The following BCL7A variants were observed in gnomAD, a reference collection of about 807,000 sequenced individuals.
The protein encoded by BCL7A is B-cell CLL/lymphoma 7 protein family member A.
BCL7A carries 11 observed loss-of-function variants against 28.4 expected under a neutral mutation model. The observed-to-expected ratio is 0.39, with a 90% CI of 0.24 to 0.64. The LOEUF is 0.64. BCL7A is among the 30% of genes least tolerant of loss of function. The pLI is 0.50. For synonymous variants in BCL7A, 123 were observed against 103.3 expected (o/e 1.19, Z -1.15); for missense variants, 222 against 274.8 (o/e 0.81, Z 1.36).
Position 122,030,768 on chromosome 12 carries a change from C to G in BCL7A, c.161C>G (p.Pro54Arg). ...RIYKWVPVTEPKVDDKNKNKK... is the reference protein window; with the variant it reads ...RIYKWVPVTERKVDDKNKNKK... ...TACAAATGGGTCCCTGTGACGGAGC[C>G]CAAGGTTGATGACGTGAGTATGGAG... Residue 54 changes from proline (P) to arginine (R), a missense_variant, in exon 2 of 6, where the codon CCC becomes CGC. This residue lies in a region of BCL7A where 67 missense variants were observed against 129.1 expected (regional missense o/e 0.52). Transcript: ENST00000261822. 6.2e-7 allele frequency: 1 copy of G among 1,614,002 alleles called. No individual in the cohort carries two copies. Among genetic ancestry groups the G allele is most frequent in the Non-Finnish European group, 8.5e-7 (1 of 1,179,902 alleles).
intron 1 of BCL7A, among the ~76,000 whole-genome samples, chr12:122,022,451 G>A (rs1442833438): frequency 6.9e-6 from 1 of 145,234 alleles, no homozygotes; most frequent in East Asian, 2.0e-4. Context: ...GCCGGGGCCA[G>A]GCGGTTGGAG....
intron 4 of BCL7A, among the ~76,000 whole-genome samples, chr12:122,052,865 A>G (rs1160533674): frequency 2.4e-3 from 6 of 2,528 alleles, no homozygotes; most frequent in South Asian, 0.019. Flanking sequence ...GTATTTTTTT[A>G]GTCGGGGGGG....
At chr12:122,045,450 C>G (rs1458539060) in intron 4 of BCL7A, among the ~76,000 whole-genome samples, 1 of 152,000 alleles carries the variant, frequency 6.6e-6, no homozygotes, top group Non-Finnish European at 1.5e-5. Flanking sequence ...GTGGGGGGCT[C>G]GTAAGGCCAC....
At chr12:122,030,938 G>A (rs553484235) in intron 2 of BCL7A, among the ~76,000 whole-genome samples, 157 bp downstream of exon 2, 6 of 152,136 alleles carry the variant, frequency 3.9e-5, no homozygotes, top group Admixed American at 2.6e-4. Flanking sequence ...GGAGGCTGCT[G>A]TACCAGTCCC....
At position 122,059,828 on chromosome 12, in the gene BCL7A, AGGTGTTGG is replaced by A. The variant is rs1287247078; in HGVS notation, c.*668_*675del. 4.3e-6 allele frequency: 1 copy of A among 231,776 alleles called. No individual in the cohort carries two copies. Among genetic ancestry groups the A allele is most frequent in the East Asian group, 6.1e-5 (1 of 16,408 alleles). The allele number at this position is 231,776 out of a possible 1,614,324, so 14.4% of individuals were successfully genotyped here. On this transcript the variant is annotated 3_prime_UTR_variant, in exon 6 of 6. Coordinates refer to ENST00000261822, the MANE Select transcript of BCL7A (RefSeq NM_001024808.3). The surrounding 1 kb of genome is among the most constrained non-coding windows in gnomAD (Gnocchi z 4.0). ...CAGGCACCAGGGCCCAAGGACGCGC[AGGTGTTGG>A]GGCACAGTCCCCAAGGGCTCGGCCC...
At chr12:122,049,033 A>ATATATATAT (rs1410918154) in intron 4 of BCL7A, among the ~76,000 whole-genome samples, 2 of 58,682 alleles carry the variant, frequency 3.4e-5, no homozygotes, top group East Asian at 4.9e-4. Context: ...AAAAAAAAAA[A>ATATATATAT]AAATATATAT....
At chr12:122,035,561 G>A (rs553413110) in intron 3 of BCL7A, 134 bp downstream of exon 3, 26 of 731,314 alleles carry the variant, frequency 3.6e-5, no homozygotes, top group South Asian at 2.0e-4. Context: ...AGGGCCCGGC[G>A]GCCTCTGTGC....
At chr12:122,027,244 A>C (rs1883648479) in intron 1 of BCL7A, among the ~76,000 whole-genome samples, 1 of 152,228 alleles carries the variant, frequency 6.6e-6, no homozygotes, top group African/African-American at 2.4e-5. Context: ...AGTAGCCAGA[A>C]GTCTGGATTC....
chr12:122,059,256 C>CA lies in BCL7A; in HGVS notation c.*93_*94insA. 1.7e-6 allele frequency: 2 copies of CA among 1,176,354 alleles called. No homozygotes were observed. The highest frequency in any genetic ancestry group is 1.9e-4 in the Middle Eastern group (1 of 5,148). 72.9% of individuals were successfully genotyped at this position (1,176,354 alleles called of 1,614,324 possible). ...TTGCCCCAGCGATTCCTCTTGGGTGCGAACAGAACTACTAACGTTTCAAGT... is the reference window on the plus strand; with the variant it reads ...TTGCCCCAGCGATTCCTCTTGGGTGCAGAACAGAACTACTAACGTTTCAAGT... On this transcript the variant is annotated 3_prime_UTR_variant, in exon 6 of 6. Transcript: ENST00000261822. This position sits in a 1 kb window ranked among gnomAD's most constrained non-coding sequence, Gnocchi z 4.0.
At chr12:122,028,400 A>C (rs1178213323) in intron 1 of BCL7A, among the ~76,000 whole-genome samples, 1 of 151,820 alleles carries the variant, frequency 6.6e-6, no homozygotes, top group African/African-American at 2.4e-5. Context: ...CCTGTGTGTT[A>C]CAAGTCAATT....
intron 4 of BCL7A, 69 bp from the exon 5 acceptor site, chr12:122,054,736 T>C: frequency 6.7e-7 from 1 of 1,490,084 alleles, no homozygotes. Flanking sequence ...GTATTTTCAG[T>C]ATTTGGCCCC....
At chr12:122,028,761 A>G (rs2135840603) in intron 1 of BCL7A, among the ~76,000 whole-genome samples, 1 of 152,284 alleles carries the variant, frequency 6.6e-6, no homozygotes, top group South Asian at 2.1e-4. Flanking sequence ...GCCTGTTGGG[A>G]ATCCCAGGGA....
intron 1 of BCL7A, among the ~76,000 whole-genome samples, chr12:122,023,092 C>T (rs1883510019): frequency 6.6e-6 from 1 of 152,198 alleles, no homozygotes; most frequent in African/African-American, 2.4e-5. Context: ...GTCCGCCCGG[C>T]GTGGCCCGGT....
In BCL7A at chr12:122,060,144, C is replaced by T; in HGVS notation, c.*981C>T. On this transcript the variant is annotated 3_prime_UTR_variant, in exon 6 of 6. Transcript: ENST00000261822. ...AGGATTAGCTGGTGCTGAACTTTCTCTCATAGGACGTCGCTTGGATTTCAA... is the reference window on the plus strand; with the variant it reads ...AGGATTAGCTGGTGCTGAACTTTCTTTCATAGGACGTCGCTTGGATTTCAA... The T allele has an allele frequency of 4.3e-6, 1 of 233,242 alleles. No homozygotes were observed. 14.4% of individuals were successfully genotyped at this position (233,242 alleles called of 1,614,324 possible).
intron 3 of BCL7A, among the ~76,000 whole-genome samples, chr12:122,039,284 A>G (rs1012175975): frequency 4.0e-5 from 6 of 150,514 alleles, no homozygotes; most frequent in Non-Finnish European, 5.9e-5. Flanking sequence ...GCGACAGAGC[A>G]AGACTCAGTC....
intron 1 of BCL7A, among the ~76,000 whole-genome samples, chr12:122,023,630 C>T (rs1883531325): frequency 6.6e-6 from 1 of 152,278 alleles, no homozygotes; most frequent in African/African-American, 2.4e-5. Flanking sequence ...ATTTTCAGAA[C>T]CGTGAGAAGG....
Position 122,060,098 on chromosome 12 carries a change from G to A in BCL7A, c.*935G>A. The A allele has an allele frequency of 4.3e-6, 1 of 233,262 alleles. No individual in the cohort carries two copies. The highest frequency in any genetic ancestry group is 6.1e-5 in the East Asian group (1 of 16,522). 14.4% of individuals were successfully genotyped at this position (233,262 alleles called of 1,614,324 possible). ...TCTCCTTAAGGCACTGAGTGGGCCG[G>A]GGAGGCTGGGAGCCGGCGGCAGGAT... On this transcript the variant is annotated 3_prime_UTR_variant, in exon 6 of 6. Transcript: ENST00000261822.
Position 122,061,039 on chromosome 12 carries a change from G to A in BCL7A, c.*1876G>A. 1 of 227,258 alleles carries A rather than the reference G, an allele frequency of 4.4e-6. No homozygotes were observed. The highest frequency in any genetic ancestry group is 8.8e-6 in the Non-Finnish European group (1 of 114,096). The allele number at this position is 227,258 out of a possible 1,614,324, so 14.1% of individuals were successfully genotyped here. A position where few individuals can be genotyped will look rare whatever the true frequency, so the allele number is the denominator to read the frequency against. ...GTTGAGAACTGTGTCCTGCATCCTG[G>A]CGCAGAACCTACCTGATGCGGTTCC... On this transcript the variant is annotated 3_prime_UTR_variant, in exon 6 of 6. Transcript: ENST00000261822.
At chr12:122,024,033 C>G (rs1463404475) in intron 1 of BCL7A, among the ~76,000 whole-genome samples, 2 of 152,108 alleles carry the variant, frequency 1.3e-5, no homozygotes, top group African/African-American at 4.8e-5. Context: ...GCCAGCTGCT[C>G]TGCAGGGAGG....
Sources: allele counts gnomAD v4.1 joint callset (sites outside exome capture counted in the v4.1 genomes callset), GRCh38; gene constraint gnomAD v4.1.1; regional missense constraint gnomAD v4.1.1; non-coding constraint Gnocchi (gnomAD v3.1); transcripts MANE v1.5; gene names NCBI Gene and HGNC (gene_info 2026-07-23, HGNC 2026-07-21).